The following LINGO2 variants were observed in gnomAD, a reference collection of about 807,000 sequenced individuals.
LINGO2 encodes the protein leucine-rich repeat and immunoglobulin-like domain-containing nogo receptor-interacting protein 2.
Under a neutral mutation model 30.6 loss-of-function variants are expected in LINGO2, and 14 were observed. The observed-to-expected ratio is 0.46, with a 90% CI of 0.30 to 0.72. The LOEUF is 0.72. LINGO2 is among the 30% of genes least tolerant of loss of function. LINGO2 has a pLI of 0.07. For missense variants in LINGO2, 729 were observed against 751.7 expected, an observed-to-expected ratio of 0.97 and a Z score of 0.35; for synonymous variants, 317 against 288.5, an observed-to-expected ratio of 1.10 and a Z score of -1.00.
chr9:28,946,281 A>C, the LINGO2 span, among the ~76,000 whole-genome samples: 1 of 152,134 alleles, frequency 6.6e-6, no homozygotes, highest in Admixed American at 6.6e-5. Context: ...GCAGAAAGAA[A>C]TGTGCCCCTA....
At chr9:28,817,337 T>A in the LINGO2 span, among the ~76,000 whole-genome samples, 1 of 152,140 alleles carries the variant, frequency 6.6e-6, no homozygotes. Flanking sequence ...TATGCAGAAA[T>A]AAAAATAGAT....
chr9:28,072,810 T>A (rs903629986), intron 4 of LINGO2, among the ~76,000 whole-genome samples: 2 of 152,072 alleles, frequency 1.3e-5, no homozygotes, highest in African/African-American at 4.8e-5. Context: ...TATCTGGGGC[T>A]GGGCCACTTA....
the LINGO2 span, among the ~76,000 whole-genome samples, chr9:28,916,302 A>G: frequency 1.3e-5 from 2 of 152,226 alleles, no homozygotes; most frequent in African/African-American, 4.8e-5. Flanking sequence ...GGGAAAATCT[A>G]CATTCTGTAG....
intron 4 of LINGO2, among the ~76,000 whole-genome samples, chr9:28,091,724 T>C (rs1171955928): frequency 6.6e-6 from 1 of 152,126 alleles, no homozygotes; most frequent in African/African-American, 2.4e-5. Context: ...CTAAAGAGCT[T>C]CTGCAGAGCA....
At chr9:29,170,378 A>G in the LINGO2 span, among the ~76,000 whole-genome samples, 1 of 152,188 alleles carries the variant, frequency 6.6e-6, no homozygotes, top group African/African-American at 2.4e-5. Flanking sequence ...GTTCTCACTT[A>G]TATGAGGGTG....
At chr9:28,315,021 AAAAAG>A (rs1322189895) in intron 3 of LINGO2, among the ~76,000 whole-genome samples, 2 of 151,920 alleles carry the variant, frequency 1.3e-5, no homozygotes. Flanking sequence ...AAAAAAAAAA[AAAAAG>A]AAACAAAATG....
chr9:28,327,182 T>C (rs955082803), intron 3 of LINGO2, among the ~76,000 whole-genome samples: 20 of 152,140 alleles, frequency 1.3e-4, no homozygotes, highest in Non-Finnish European at 7.3e-5. Context: ...CTCATTCTGC[T>C]GCTGCCTTAA....
the LINGO2 span, among the ~76,000 whole-genome samples, chr9:28,988,750 C>T: frequency 3.3e-5 from 5 of 152,152 alleles, no homozygotes; most frequent in Non-Finnish European, 1.5e-5. Flanking sequence ...ACCATGAGCC[C>T]AGGGAAATCC....
chr9:27,955,948 T>TTC (rs1219415428), intron 5 of LINGO2, among the ~76,000 whole-genome samples: 4 of 135,946 alleles, frequency 2.9e-5, no homozygotes, highest in South Asian at 4.4e-4. Flanking sequence ...TTTTTTTTTT[T>TTC]TTTTTTTTGA....
rs1409724037 is a variant in LINGO2 at position 28,445,983 on chromosome 9, C to T, written c.-279+29957G>A. On this transcript the variant is annotated intron_variant, in intron 2 of 5. Transcript: ENST00000379992. ...TTCTCCTGATCTGTGCAAATGGTTA[C>T]AAAGTAATTTGAGGATATATATCAC... is the stretch of plus-strand genomic sequence containing the variant. Among the ~76,000 whole-genome samples, 3 of 152,070 alleles carry T rather than the reference C, an allele frequency of 2.0e-5. No individual in the cohort carries two copies. In the East Asian group the frequency reaches 5.8e-4, roughly 29 times the overall value.
chr9:28,227,040 T>C (rs978971493), intron 4 of LINGO2, among the ~76,000 whole-genome samples: 2 of 152,130 alleles, frequency 1.3e-5, no homozygotes, highest in South Asian at 2.1e-4. Flanking sequence ...TCTAACCCAT[T>C]GGATTATTAT....
rs144241052 is a variant in LINGO2 at position 28,209,784 on chromosome 9, G to A, written c.-87+85424C>T. 6.1e-3 allele frequency among the ~76,000 whole-genome samples: 920 copies of A among 151,310 alleles called. 18 individuals carry two copies. The highest frequency in any genetic ancestry group is 0.021 in the African/African-American group (867 of 41,362). ...ATGGGATGCAGTAATACCATGGCAAGGTTAATCAGATAATGGACATATTTC... is the reference window on the plus strand; with the variant it reads ...ATGGGATGCAGTAATACCATGGCAAAGTTAATCAGATAATGGACATATTTC... On this transcript the variant is annotated intron_variant, in intron 4 of 5. Coordinates refer to ENST00000379992, the Ensembl canonical transcript of LINGO2.
chr9:28,163,984 C>T (rs1044755263), intron 4 of LINGO2, among the ~76,000 whole-genome samples: 1 of 152,114 alleles, frequency 6.6e-6, no homozygotes, highest in African/African-American at 2.4e-5. Flanking sequence ...TGTACTTGTT[C>T]AGGAAATGAT....
At chr9:28,995,549 T>C in the LINGO2 span, among the ~76,000 whole-genome samples, 1 of 152,082 alleles carries the variant, frequency 6.6e-6, no homozygotes, top group Non-Finnish European at 1.5e-5. Flanking sequence ...TAAATCATGC[T>C]GCTGTAAAGA....
At chr9:28,786,011 A>T in the LINGO2 span, among the ~76,000 whole-genome samples, 1 of 152,334 alleles carries the variant, frequency 6.6e-6, no homozygotes. Flanking sequence ...TTTATTTCTT[A>T]CAAGAATTCA....
chr9:28,771,448 A>C, the LINGO2 span, among the ~76,000 whole-genome samples: 2 of 121,632 alleles, frequency 1.6e-5, no homozygotes. Context: ...TTTCTTTCCT[A>C]TTTGGTGTGT....
At chr9:28,149,888 G>C (rs917352861) in intron 4 of LINGO2, among the ~76,000 whole-genome samples, 1 of 150,950 alleles carries the variant, frequency 6.6e-6, no homozygotes, top group Non-Finnish European at 1.5e-5. Flanking sequence ...TGTCTGGGAA[G>C]TAAGGAGCGC....
chr9:28,506,407 TATATATATATATATAC>T (rs1296407715), intron 1 of LINGO2, among the ~76,000 whole-genome samples: 39 of 5,726 alleles, frequency 6.8e-3, no homozygotes, highest in South Asian at 0.058. Context: ...GACATATATA[TATATATATATATATAC>T]ACACACACAC....
chr9:28,637,586 GT>G (rs1272821479), intron 1 of LINGO2, among the ~76,000 whole-genome samples: 2 of 152,138 alleles, frequency 1.3e-5, no homozygotes, highest in African/African-American at 4.8e-5. Flanking sequence ...TGAAGCAATT[GT>G]GAATGGGAGT....
Sources: gnomAD v4.1 joint callset for allele counts (sites outside exome capture counted in the v4.1 genomes callset) on GRCh38, gnomAD v4.1.1 for gene constraint, MANE v1.5 for transcripts, NCBI Gene and HGNC (gene_info 2026-07-23, HGNC 2026-07-21) for gene names.